VWA8: variants seen among roughly 807,000 people sequenced by gnomAD.
The protein encoded by VWA8 is von Willebrand factor A domain-containing protein 8.
VWA8 carries 221 observed loss-of-function variants against 241.5 expected under a neutral mutation model. The ratio of observed to expected loss-of-function variants is 0.91; its 90% CI spans 0.82 to 1.02. VWA8 has a LOEUF of 1.02. Ranked by LOEUF, VWA8 falls within the 50% of genes least tolerant of loss-of-function variation. The pLI, the probability that VWA8 is intolerant of heterozygous loss-of-function variation, is 0.00. For missense variants in VWA8, 2,322 were observed against 2,328.7 expected (o/e 1.00, Z 0.06); for synonymous variants, 852 against 827.1 (o/e 1.03, Z -0.52).
At chr13:41,624,481 C>A (rs1315454458) in intron 37 of VWA8, among the ~76,000 whole-genome samples, 9 of 152,154 alleles carry the variant, frequency 5.9e-5, no homozygotes, top group Admixed American at 5.9e-4. Context: ...CTATCACAAT[C>A]AAGTAGGCTT....
intron 37 of VWA8, among the ~76,000 whole-genome samples, chr13:41,655,567 C>T (rs2044898881): frequency 6.6e-6 from 1 of 151,860 alleles, no homozygotes. Flanking sequence ...AAAATGGTTA[C>T]ATTATATCTG....
At chr13:41,826,738 G>A (rs1053181532) in intron 14 of VWA8, among the ~76,000 whole-genome samples, 5 of 152,102 alleles carry the variant, frequency 3.3e-5, no homozygotes, top group African/African-American at 1.2e-4. Context: ...AACGGGTGTG[G>A]CGATGCGCAA....
chr13:41,758,398 G>GTA (rs1236188354), intron 21 of VWA8, among the ~76,000 whole-genome samples: 3,341 of 24,704 alleles, frequency 0.14, 172 homozygotes, highest in Middle Eastern at 0.2. Context: ...ATATACGCTA[G>GTA]TATATATATA....
chr13:41,828,817 T>C (rs1871291518), intron 14 of VWA8, among the ~76,000 whole-genome samples: 1 of 151,450 alleles, frequency 6.6e-6, no homozygotes, highest in South Asian at 2.1e-4. Flanking sequence ...AATTCAATAA[T>C]ATCATATAAC....
intron 21 of VWA8, among the ~76,000 whole-genome samples, chr13:41,750,338 C>T (rs1246050330): frequency 6.6e-6 from 1 of 151,820 alleles, no homozygotes; most frequent in African/African-American, 2.4e-5. Context: ...GAGGCTGAGG[C>T]AGAAGAATTG....
chr13:41,903,749 T>C (rs538325103), intron 4 of VWA8, among the ~76,000 whole-genome samples: 6 of 152,184 alleles, frequency 3.9e-5, no homozygotes, highest in Non-Finnish European at 8.8e-5. Context: ...TTACAGGGTT[T>C]GGATCTGACG....
At chr13:41,718,720 T>A (rs1256223747) in intron 26 of VWA8, among the ~76,000 whole-genome samples, 1 of 151,490 alleles carries the variant, frequency 6.6e-6, no homozygotes, top group Non-Finnish European at 1.5e-5. Context: ...TATATGCAAC[T>A]TTTTTTGCTA....
At chr13:41,630,725 C>T (rs2044720781) in intron 37 of VWA8, among the ~76,000 whole-genome samples, 1 of 151,912 alleles carries the variant, frequency 6.6e-6, no homozygotes, top group Non-Finnish European at 1.5e-5. Context: ...ATTTTACAGA[C>T]TTGGGATAAA....
chr13:41,866,359 ATAT>A (rs1473277484), intron 10 of VWA8, among the ~76,000 whole-genome samples: 4 of 141,814 alleles, frequency 2.8e-5, no homozygotes, highest in African/African-American at 8.1e-5. Flanking sequence ...AAAAAAAAAA[ATAT>A]ATATATATAT....
intron 9 of VWA8, among the ~76,000 whole-genome samples, chr13:41,876,012 T>C (rs1593836740): frequency 6.6e-6 from 1 of 152,186 alleles, no homozygotes; most frequent in East Asian, 1.9e-4. Flanking sequence ...AAATCATCCT[T>C]AACTCTGTAT....
chr13:41,677,245 T>C (rs370646290), intron 35 of VWA8, among the ~76,000 whole-genome samples: 4 of 152,140 alleles, frequency 2.6e-5, no homozygotes, highest in African/African-American at 7.2e-5. Flanking sequence ...AATTCTATAA[T>C]TGTTATACTC....
chr13:41,693,805 T>A (rs971943797), intron 29 of VWA8, among the ~76,000 whole-genome samples: 1 of 152,064 alleles, frequency 6.6e-6, no homozygotes, highest in Non-Finnish European at 1.5e-5. Flanking sequence ...GTTGGCTTTT[T>A]AGTTAAAATA....
At chr13:41,684,690 C>T (rs972236067) in intron 35 of VWA8, among the ~76,000 whole-genome samples, 8 of 152,112 alleles carry the variant, frequency 5.3e-5, no homozygotes, top group Non-Finnish European at 1.2e-4. Flanking sequence ...TCAGTCTGCA[C>T]GATAAGCCCC....
At chr13:41,868,928 TAA>T (rs1417249500) in intron 9 of VWA8, among the ~76,000 whole-genome samples, 1 of 148,838 alleles carries the variant, frequency 6.7e-6, no homozygotes, top group Non-Finnish European at 1.5e-5. Context: ...AAGTAGAGGT[TAA>T]AAAAAGTTAA....
intron 14 of VWA8, among the ~76,000 whole-genome samples, chr13:41,827,324 G>A (rs73183401): frequency 0.012 from 1,866 of 152,260 alleles, 12 homozygotes; most frequent in East Asian, 0.02. Context: ...ACAAGAGGTG[G>A]TGAAAGAGCT....
intron 4 of VWA8, among the ~76,000 whole-genome samples, chr13:41,903,488 T>C (rs1288121509): frequency 6.6e-6 from 1 of 152,128 alleles, no homozygotes; most frequent in South Asian, 2.1e-4. Context: ...GATAATATCA[T>C]GTACGATGAC....
At chr13:41,837,663 A>G (rs1871800695) in intron 12 of VWA8, among the ~76,000 whole-genome samples, 1 of 152,212 alleles carries the variant, frequency 6.6e-6, no homozygotes, top group Non-Finnish European at 1.5e-5. Context: ...TGAAAAATAT[A>G]TATCATTTCC....
At chr13:41,956,384 G>C (rs1228684797) in intron 1 of VWA8, among the ~76,000 whole-genome samples, 3 of 152,136 alleles carry the variant, frequency 2.0e-5, no homozygotes, top group African/African-American at 7.2e-5. Context: ...AAATATATCA[G>C]CAATTCCCAC....
At position 41,811,298 on chromosome 13, in the gene VWA8, G is replaced by A. The variant is rs757480126; in HGVS notation, c.1990C>T (p.Arg664Ter). ...AASLSTRQLLRISRRLSQYPN... is the reference protein window; with the variant it reads ...AASLSTRQLL ...TACTGTGACAGCCGACGAGAAATTC[G>A]CAACAGTTGTCTGGTAGAAAGTGAT... is the stretch of plus-strand genomic sequence containing the variant. Residue 664 changes from arginine to a stop codon, truncating the protein, a stop_gained, in exon 17 of 45, where the codon CGA (arginine) becomes TGA (stop). Coordinates refer to ENST00000379310, the MANE Select transcript of VWA8 (RefSeq NM_015058.2). LOFTEE classifies it high-confidence loss of function. 34 of 1,610,564 alleles carry A rather than the reference G, an allele frequency of 2.1e-5. No homozygotes were observed. In the Admixed American group the frequency reaches 4.0e-4, roughly 19 times the overall value.
Sources: gnomAD v4.1 joint callset for allele counts (sites outside exome capture counted in the v4.1 genomes callset) on GRCh38, gnomAD v4.1.1 for gene constraint, MANE v1.5 for transcripts, NCBI Gene and HGNC (gene_info 2026-07-23, HGNC 2026-07-21) for gene names.